The following SKAP1 variants were observed in gnomAD, a reference collection of about 807,000 sequenced individuals.
SKAP1 encodes the protein src kinase associated phosphoprotein 1.
In SKAP1, 44 loss-of-function variants were observed where a neutral mutation model predicts 58.5. The observed-to-expected ratio is 0.75, with a 90% CI of 0.59 to 0.97. The LOEUF is 0.97. Ranked by LOEUF, SKAP1 falls within the 50% of genes least tolerant of loss-of-function variation. SKAP1 has a pLI of 0.00. For synonymous variants in SKAP1, 127 were observed against 149.7 expected (o/e 0.85, Z 1.11); for missense variants, 390 against 435.2 (o/e 0.90, Z 0.92).
At chr17:48,255,803 T>G (rs1258515692) in intron 4 of SKAP1, among the ~76,000 whole-genome samples, 1 of 152,244 alleles carries the variant, frequency 6.6e-6, no homozygotes, top group South Asian at 2.1e-4. Context: ...CCTCAGCTTA[T>G]GAAAAATGCA....
chr17:48,162,400 G>T, intron 11 of SKAP1, 69 bp downstream of exon 11: 1 of 1,026,792 alleles, frequency 9.7e-7, no homozygotes, highest in Non-Finnish European at 1.5e-6. Context: ...GAATAATTCT[G>T]TTTATGGTGA....
intron 9 of SKAP1, among the ~76,000 whole-genome samples, chr17:48,179,480 T>C (rs748124661): frequency 1.7e-4 from 26 of 152,222 alleles, no homozygotes; most frequent in Non-Finnish European, 3.8e-4. Flanking sequence ...GTAGACCTGC[T>C]GTAATGATGA....
chr17:48,375,523 C>G (rs1006713373), intron 2 of SKAP1, among the ~76,000 whole-genome samples: 8 of 152,150 alleles, frequency 5.3e-5, no homozygotes, highest in African/African-American at 1.9e-4. Flanking sequence ...AGTGATTAAG[C>G]TTTCTGATTG....
chr17:48,398,561 T>G (rs1330744813), intron 1 of SKAP1, among the ~76,000 whole-genome samples: 1 of 152,204 alleles, frequency 6.6e-6, no homozygotes, highest in Non-Finnish European at 1.5e-5. Flanking sequence ...AAAATTGTCT[T>G]CCATGAAACC....
chr17:48,145,899 G>T (rs914814624), intron 11 of SKAP1, among the ~76,000 whole-genome samples: 4 of 151,958 alleles, frequency 2.6e-5, no homozygotes, highest in African/African-American at 9.7e-5. Context: ...ATCCTCCAGG[G>T]CACAGATTCT....
intron 4 of SKAP1, among the ~76,000 whole-genome samples, chr17:48,240,938 G>GA (rs1348676147): frequency 6.6e-6 from 1 of 152,210 alleles, no homozygotes; most frequent in African/African-American, 2.4e-5. Flanking sequence ...AAAGTCCCTA[G>GA]TGTACTCTGA....
chr17:48,324,383 T>A (rs780476080), intron 4 of SKAP1, among the ~76,000 whole-genome samples: 1 of 152,150 alleles, frequency 6.6e-6, no homozygotes, highest in Non-Finnish European at 1.5e-5. Context: ...AATTACTTGA[T>A]GTTCCAGGAA....
chr17:48,174,508 T>C (rs1272109831), intron 9 of SKAP1, among the ~76,000 whole-genome samples: 1 of 152,198 alleles, frequency 6.6e-6, no homozygotes, highest in Non-Finnish European at 1.5e-5. Context: ...CAGGTGTCTT[T>C]GCAACCCCAG....
chr17:48,296,931 C>G (rs1598527728), intron 4 of SKAP1, among the ~76,000 whole-genome samples: 3 of 152,068 alleles, frequency 2.0e-5, no homozygotes, highest in East Asian at 3.9e-4. Context: ...ACTGTAACCT[C>G]TCTTAGACTG....
chr17:48,401,162 TGA>T (rs1289487193), intron 1 of SKAP1, among the ~76,000 whole-genome samples: 1 of 151,752 alleles, frequency 6.6e-6, no homozygotes, highest in East Asian at 1.9e-4. Flanking sequence ...AAAAATTAGC[TGA>T]GTGTGGTGGC....
chr17:48,164,878 T>A (rs2064114876), intron 10 of SKAP1, among the ~76,000 whole-genome samples: 1 of 152,248 alleles, frequency 6.6e-6, no homozygotes, highest in Non-Finnish European at 1.5e-5. Flanking sequence ...TATTGCAGAC[T>A]TCCTGTTTAA....
rs927460736 is a variant in SKAP1, at chr17:48,160,851, C to G, written c.978+1618G>C. Among the ~76,000 whole-genome samples, 14 of 152,210 alleles carry G rather than the reference C, an allele frequency of 9.2e-5. 1 individual carries two copies. The highest frequency in any genetic ancestry group is 3.1e-4 in the African/African-American group (13 of 41,446). On this transcript the variant is annotated intron_variant, in intron 11 of 12. Transcript: ENST00000336915. Reference sequence around the variant, plus strand: ...TGTAATGCCAGTGTGGTAATGTACACAAATTCTATTACACGGCAAACCTTG... The same window carrying G: ...TGTAATGCCAGTGTGGTAATGTACAGAAATTCTATTACACGGCAAACCTTG...
intron 6 of SKAP1, chr17:48,185,108 G>A (rs2064430060): frequency 2.6e-6 from 1 of 383,132 alleles, no homozygotes; most frequent in Non-Finnish European, 4.7e-6. Context: ...TTATTAGAAT[G>A]TTAAGAGATC....
At chr17:48,264,778 A>ACACC (rs2065524317) in intron 4 of SKAP1, among the ~76,000 whole-genome samples, 1 of 150,712 alleles carries the variant, frequency 6.6e-6, no homozygotes, top group South Asian at 2.1e-4. Flanking sequence ...ACACACACAC[A>ACACC]CACACCCTCC....
chr17:48,166,213 C>T (rs2064137411), intron 10 of SKAP1, among the ~76,000 whole-genome samples: 1 of 152,184 alleles, frequency 6.6e-6, no homozygotes, highest in South Asian at 2.1e-4. Flanking sequence ...ATCTTACTCT[C>T]TTTATCCTAT....
chr17:48,197,783 A>G lies in SKAP1; in HGVS notation c.281-8283T>C, dbSNP rs75590051. ...TATTCCCTCAGTAATGCCAAGCCACAAGGTAACTTACAGAAACCATGAGTA... is the reference window on the plus strand; with the variant it reads ...TATTCCCTCAGTAATGCCAAGCCACGAGGTAACTTACAGAAACCATGAGTA... On this transcript the variant is annotated intron_variant, in intron 4 of 12. Transcript: ENST00000336915. Among the ~76,000 whole-genome samples the G allele has an allele frequency of 4.7e-3, 715 of 152,364 alleles. 3 individuals carry two copies. The highest frequency in any genetic ancestry group is 0.016 in the African/African-American group (670 of 41,596).
rs149960369 is a variant in SKAP1, at chr17:48,396,739, G to A, written c.93C>T (p.Ser31=). 5.9e-5 allele frequency: 95 copies of A among 1,613,462 alleles called. No individual in the cohort carries two copies. Among genetic ancestry groups the A allele is most frequent in the African/African-American group, 1.1e-4 (8 of 74,870 alleles). ...GGTCTCTGTGATCCCTTGCAACAGCGCTGAGGTTCTCATTCCGCAAACCTT... is the reference window on the plus strand; with the variant it reads ...GGTCTCTGTGATCCCTTGCAACAGCACTGAGGTTCTCATTCCGCAAACCTT... ...LAEGLRNENL[S]AVARDHRDHI... is the part of the protein sequence containing the mutation. Residue 31 remains serine (S), a synonymous_variant, in exon 2 of 13, where the codon AGC becomes AGT. Coordinates refer to ENST00000336915, the MANE Select transcript of SKAP1 (RefSeq NM_003726.4).
intron 4 of SKAP1, among the ~76,000 whole-genome samples, chr17:48,237,469 T>C (rs1598456255): frequency 1.3e-5 from 2 of 152,232 alleles, no homozygotes; most frequent in East Asian, 1.9e-4. Flanking sequence ...CATGAAGCTA[T>C]GCTGCCTTAC....
intron 1 of SKAP1, 49 bp downstream of exon 1, chr17:48,430,026 C>T: frequency 8.0e-7 from 1 of 1,256,166 alleles, no homozygotes; most frequent in African/African-American, 1.5e-5. Context: ...CTGGTGTCCC[C>T]TTTCGGCCTT....
Sources: allele counts gnomAD v4.1 joint callset (sites outside exome capture counted in the v4.1 genomes callset), GRCh38; gene constraint gnomAD v4.1.1; transcripts MANE v1.5; gene names NCBI Gene and HGNC (gene_info 2026-07-23, HGNC 2026-07-21).